CHD7: variants seen among roughly 807,000 people sequenced by gnomAD.
The protein encoded by CHD7 is chromodomain helicase DNA binding protein 7.
A neutral mutation model predicts 307.3 loss-of-function variants in CHD7; 24 were observed. That is an observed-to-expected ratio of 0.08 (90% CI 0.06 to 0.11). The LOEUF (loss-of-function observed/expected upper bound fraction) is 0.11, where lower values mean the gene tolerates loss of function less well. CHD7 is among the 10% of genes least tolerant of loss of function. CHD7 has a pLI of 1.00. For synonymous variants in CHD7, 1,363 were observed against 1,349.9 expected (o/e 1.01, Z -0.21); for missense variants, 3,106 against 3,727.1 (o/e 0.83, Z 4.34).
chr8:60,805,928 C>G (rs1486453099), intron 6 of CHD7, among the ~76,000 whole-genome samples: 1 of 152,082 alleles, frequency 6.6e-6, no homozygotes, highest in Non-Finnish European at 1.5e-5. Flanking sequence ...CATTTGAGTT[C>G]CATTCTTGAT....
At chr8:60,827,840 A>T (rs895615096) in intron 13 of CHD7, among the ~76,000 whole-genome samples, 3 of 151,944 alleles carry the variant, frequency 2.0e-5, no homozygotes, top group Non-Finnish European at 4.4e-5. Context: ...TTGCTTTCTC[A>T]ACTACTGGGA....
intron 2 of CHD7, among the ~76,000 whole-genome samples, chr8:60,771,318 G>A (rs1168061213): frequency 6.6e-6 from 1 of 152,174 alleles, no homozygotes; most frequent in African/African-American, 2.4e-5. Flanking sequence ...CAAAATGCTT[G>A]GATTGAGAAG....
At chr8:60,804,941 T>C (rs939861898) in intron 6 of CHD7, among the ~76,000 whole-genome samples, 5 of 152,242 alleles carry the variant, frequency 3.3e-5, no homozygotes, top group Non-Finnish European at 5.9e-5. Context: ...TGAAAAGATA[T>C]ATACATTTCT....
intron 4 of CHD7, among the ~76,000 whole-genome samples, chr8:60,798,082 C>T (rs1465675086): frequency 6.6e-6 from 1 of 152,214 alleles, no homozygotes; most frequent in Non-Finnish European, 1.5e-5. Flanking sequence ...AATTACTTGT[C>T]CAAGGTCACA....
chr8:60,865,406 G>T lies in CHD7; in HGVS notation c.8467G>T (p.Ala2823Ser). ...GGLLNNPLSAATGNTTTASSQ... is the reference protein window; with the variant it reads ...GGLLNNPLSASTGNTTTASSQ... ...GCTGTTGAATAACCCTCTGTCAGCT[G>T]CTACTGGAAACACCACTACTGCTTC... Residue 2823 changes from alanine to serine, a missense_variant, in exon 38 of 38, where the codon GCT becomes TCT. Coordinates refer to ENST00000423902, the MANE Select transcript of CHD7 (RefSeq NM_017780.4). The surrounding 1 kb of genome is among the most constrained non-coding windows in gnomAD (Gnocchi z 4.3). The T allele has an allele frequency of 6.2e-7, 1 of 1,613,732 alleles. No individual in the cohort carries two copies. The highest frequency in any genetic ancestry group is 1.7e-5 in the Admixed American group (1 of 60,002).
At chr8:60,835,931 G>A (rs957370270) in intron 15 of CHD7, 142 bp from the exon 16 acceptor site, 1 of 647,588 alleles carries the variant, frequency 1.5e-6, no homozygotes, top group Admixed American at 2.6e-5. Context: ...CCAACTATGA[G>A]TAAGTGGATG....
Position 60,860,976 on chromosome 8 carries a change from G to C in CHD7, c.7681G>C (p.Gly2561Arg). Residue 2561 changes from glycine (G) to arginine (R), a missense_variant, in exon 35 of 38, where the codon GGA (glycine) becomes CGA (arginine). Physicochemically the swap from Gly to Arg is moderately radical, Grantham distance 125 (BLOSUM62 -2). This residue lies in a region of CHD7 where 1,030 missense variants were observed against 1,165.4 expected (regional missense o/e 0.88). Coordinates refer to ENST00000423902, the MANE Select transcript of CHD7 (RefSeq NM_017780.4). ...TPPTRNIPSP[G>R]QLDPDTRIPV... is the part of the protein sequence containing the mutation. ...ACCAACAAGAAACATTCCTTCTCCCGGACAGCTGGACCCAGACACACGGAT... is the reference window on the plus strand; with the variant it reads ...ACCAACAAGAAACATTCCTTCTCCCCGACAGCTGGACCCAGACACACGGAT... 6.2e-7 allele frequency: 1 copy of C among 1,613,882 alleles called. No individual in the cohort carries two copies. The highest frequency in any genetic ancestry group is 8.5e-7 in the Non-Finnish European group (1 of 1,179,860).
intron 2 of CHD7, among the ~76,000 whole-genome samples, chr8:60,765,271 G>A (rs1284448430): frequency 2.0e-5 from 3 of 150,642 alleles, no homozygotes; most frequent in Non-Finnish European, 3.0e-5. Context: ...TTATATATGT[G>A]CATACACACA....
intron 15 of CHD7, among the ~76,000 whole-genome samples, chr8:60,831,390 T>C (rs973617327): frequency 6.6e-6 from 1 of 151,890 alleles, no homozygotes; most frequent in African/African-American, 2.4e-5. Context: ...GAAGTAACGA[T>C]ACAAGCAAAG....
At position 60,867,640 on chromosome 8, in the gene CHD7, G is replaced by A. The variant is rs1806281690; in HGVS notation, c.*1707G>A. 6.6e-6 allele frequency: 1 copy of A among 152,144 alleles called. No homozygotes were observed. Among genetic ancestry groups the A allele is most frequent in the African/African-American group, 2.4e-5 (1 of 41,408 alleles). 9.4% of individuals were successfully genotyped at this position (152,144 alleles called of 1,614,324 possible). On this transcript the variant is annotated 3_prime_UTR_variant, in exon 38 of 38. Coordinates refer to ENST00000423902, the MANE Select transcript of CHD7 (RefSeq NM_017780.4). The stretch of plus-strand genomic sequence containing the variant: ...GCCTTCCTCCACACCCTTCCCCCAG[G>A]ACGTCCGCACACAGTCCACCTCCAG...
At chr8:60,715,258 G>GT (rs1807532410) in intron 1 of CHD7, among the ~76,000 whole-genome samples, 1 of 150,888 alleles carries the variant, frequency 6.6e-6, no homozygotes. Context: ...CTTTCCAGTT[G>GT]TATGTATCCC....
intron 2 of CHD7, among the ~76,000 whole-genome samples, chr8:60,750,568 C>G (rs1809591856): frequency 6.6e-6 from 1 of 152,198 alleles, no homozygotes. Flanking sequence ...ATTAAAGAAA[C>G]TGGTAAAACT....
At chr8:60,832,296 A>T (rs1002423820) in intron 15 of CHD7, among the ~76,000 whole-genome samples, 2 of 152,136 alleles carry the variant, frequency 1.3e-5, no homozygotes, top group African/African-American at 4.8e-5. Flanking sequence ...AAGTGCTGGG[A>T]TTACAGGTGT....
intron 26 of CHD7, 175 bp from the exon 27 acceptor site, chr8:60,850,857 C>T (rs1269219185): frequency 1.5e-6 from 1 of 677,340 alleles, no homozygotes; most frequent in African/African-American, 1.8e-5. Context: ...TCTCCCCAGA[C>T]CCCCTCCACC....
At chr8:60,720,978 T>G (rs1173325634) in intron 1 of CHD7, among the ~76,000 whole-genome samples, 2 of 152,206 alleles carry the variant, frequency 1.3e-5, no homozygotes, top group East Asian at 3.8e-4. Flanking sequence ...GTTCTGGGAT[T>G]CCGTTGGCGG....
chr8:60,846,411 T>C (rs1805213220), intron 23 of CHD7, among the ~76,000 whole-genome samples: 1 of 152,268 alleles, frequency 6.6e-6, no homozygotes, highest in African/African-American at 2.4e-5. Flanking sequence ...TTTATTTCAT[T>C]GCTTGGGGTT....
intron 1 of CHD7, among the ~76,000 whole-genome samples, chr8:60,714,215 C>A (rs565798827): frequency 6.6e-6 from 1 of 151,958 alleles, no homozygotes. Flanking sequence ...AGACGCAGGG[C>A]GGAGCGGGGT....
intron 3 of CHD7, among the ~76,000 whole-genome samples, chr8:60,792,245 T>C (rs1811811878): frequency 6.6e-6 from 1 of 152,246 alleles, no homozygotes; most frequent in South Asian, 2.1e-4. Context: ...AATCTTGACT[T>C]GGATATTTTT....
At chr8:60,759,032 C>T (rs750072887) in intron 2 of CHD7, among the ~76,000 whole-genome samples, 36 of 152,162 alleles carry the variant, frequency 2.4e-4, no homozygotes, top group Non-Finnish European at 2.5e-4. Flanking sequence ...AAAAGGGCAG[C>T]GATGTCTTAG....
Sources: gnomAD v4.1 joint callset for allele counts (sites outside exome capture counted in the v4.1 genomes callset) on GRCh38, gnomAD v4.1.1 for gene constraint, gnomAD v4.1.1 regional missense constraint, Gnocchi (gnomAD v3.1) non-coding constraint, MANE v1.5 for transcripts, NCBI Gene and HGNC (gene_info 2026-07-23, HGNC 2026-07-21) for gene names.